The following TRIM67 variants were observed in gnomAD, a reference collection of about 807,000 sequenced individuals.
The protein encoded by TRIM67 is tripartite motif containing 67, also known as tripartite motif-containing protein 67.
A neutral mutation model predicts 71.0 loss-of-function variants in TRIM67; 39 were observed. The ratio of observed to expected loss-of-function variants is 0.55; its 90% CI spans 0.43 to 0.72. TRIM67 has a LOEUF of 0.72. Among genes scored for constraint, TRIM67 ranks in the 30% least tolerant of loss-of-function variants. The probability of loss-of-function intolerance (pLI) is 0.00; values close to 1 mark genes in which losing one functional copy is unlikely to be tolerated. For synonymous variants in TRIM67, 481 were observed against 473.9 expected (o/e 1.01, Z -0.19); for missense variants, 973 against 1,079.2 (o/e 0.90, Z 1.38).
chr1:231,208,770 G>A (rs1486697356), intron 7 of TRIM67, among the ~76,000 whole-genome samples, 177 bp from the exon 8 acceptor site: 1 of 152,180 alleles, frequency 6.6e-6, no homozygotes, highest in Admixed American at 6.5e-5. Flanking sequence ...GGGAGTGTGT[G>A]CATGTGTGTA....
Position 231,209,060 on chromosome 1 carries a change from G to A in TRIM67, c.1933G>A (p.Ala645Thr). ...CGACCGGGTGGTGCTGGGCACAGCTGCGTTCTCCAAGGGCGTGCACTACTG... is the reference window on the plus strand; with the variant it reads ...CGACCGGGTGGTGCTGGGCACAGCTACGTTCTCCAAGGGCGTGCACTACTG... The part of the protein sequence containing the change: ...YDDRVVLGTA[A>T]FSKGVHYWEL... Residue 645 changes from alanine to threonine, a missense_variant, in exon 8 of 10, where the codon GCG becomes ACG. Physicochemically the swap from Ala to Thr is moderately conservative, Grantham distance 58. Coordinates refer to ENST00000366653, the MANE Select transcript of TRIM67 (RefSeq NM_001004342.5). This position sits in a 1 kb window ranked among gnomAD's most constrained non-coding sequence, Gnocchi z 4.1. The A allele has an allele frequency of 6.2e-7, 1 of 1,613,936 alleles. No individual in the cohort carries two copies. Among genetic ancestry groups the A allele is most frequent in the Non-Finnish European group, 8.5e-7 (1 of 1,179,844 alleles).
At chr1:231,204,735 T>A (rs2102755685) in intron 6 of TRIM67, among the ~76,000 whole-genome samples, 1 of 152,218 alleles carries the variant, frequency 6.6e-6, no homozygotes, top group South Asian at 2.1e-4. Flanking sequence ...AAACACTCAT[T>A]CCAACAAACC....
In TRIM67 at chr1:231,213,830, G is replaced by C. The variant is rs1424586308; in HGVS notation, c.2139G>C (p.Val713=). The part of the protein sequence containing the change: ...NSHTNRTEGG[V]CKGATVGVLL... ...CTCTTCCCAGGACGGAAGGTGGCGT[G>C]TGCAAGGGGGCCACCGTGGGCGTGC... The change falls in exon 9 of 10, where the codon GTG becomes GTC. Residue 713 remains valine, a synonymous_variant. Transcript: ENST00000366653. 6.2e-7 allele frequency: 1 copy of C among 1,604,000 alleles called. No homozygotes were observed. Among genetic ancestry groups the C allele is most frequent in the Non-Finnish European group, 8.5e-7 (1 of 1,174,112 alleles).
rs190472002 is a variant in TRIM67 at position 231,188,845 on chromosome 1, T to A, written c.1045-8526T>A. On this transcript the variant is annotated intron_variant, in intron 1 of 9. Coordinates refer to ENST00000366653, the MANE Select transcript of TRIM67 (RefSeq NM_001004342.5). ...GGAAGTCACCAGTTGCTACTGATCC[T>A]GTCCCACCTCAGGAGAGGAGAGGCC... is the stretch of plus-strand genomic sequence containing the variant. Among the ~76,000 whole-genome samples the A allele has an allele frequency of 2.6e-5, 4 of 152,354 alleles. No homozygotes were observed. The South Asian group carries it at 8.3e-4, about 32-fold the overall frequency.
intron 1 of TRIM67, chr1:231,185,196 C>T (rs1180311808): frequency 4.6e-6 from 7 of 1,532,912 alleles, no homozygotes; most frequent in Non-Finnish European, 6.1e-6. Flanking sequence ...CTGCACCTTC[C>T]ACCCTTCTCA....
chr1:231,187,646 C>A, intron 1 of TRIM67: 1 of 1,298,922 alleles, frequency 7.7e-7, no homozygotes, highest in Non-Finnish European at 1.1e-6. Flanking sequence ...CACGCCCCAT[C>A]TCTACTGTCT....
rs1004450335 is a variant in TRIM67 at position 231,203,811 on chromosome 1, C to T, written c.1535-56C>T. On this transcript the variant is annotated intron_variant, in intron 5 of 9. Transcript: ENST00000366653. ...CCTGGGATGGGGTGGGGTGGGGGAC[C>T]GGGCTGGGGCCCTCGGAGGGCTTCC... 2.4e-5 allele frequency: 37 copies of T among 1,567,722 alleles called. No homozygotes were observed. In the South Asian group the frequency reaches 2.6e-4, roughly 11 times the overall value.
At chr1:231,207,211 C>T (rs1378863170) in intron 7 of TRIM67, among the ~76,000 whole-genome samples, 1 of 152,204 alleles carries the variant, frequency 6.6e-6, no homozygotes, top group African/African-American at 2.4e-5. Flanking sequence ...AAACTTCTCC[C>T]ACTTCTCAAG....
Position 231,218,918 on chromosome 1 carries a change from A to G in TRIM67, c.*3478A>G, listed in dbSNP as rs1684077759. ...CGCCCCACCACAGCACTCTCAGGAA[A>G]GGATCAGAATGCAGGATCTTTGTGT... On this transcript the variant is annotated 3_prime_UTR_variant, in exon 10 of 10. Coordinates refer to ENST00000366653, the MANE Select transcript of TRIM67 (RefSeq NM_001004342.5). The G allele has an allele frequency of 2.0e-6, 2 of 985,394 alleles. No homozygotes were observed. The highest frequency in any genetic ancestry group is 1.2e-4 in the Admixed American group (2 of 16,262). 61.0% of individuals were successfully genotyped at this position (985,394 alleles called of 1,614,324 possible).
Position 231,216,730 on chromosome 1 carries a change from G to C in TRIM67, c.*1290G>C. The C allele has an allele frequency of 1.0e-6, 1 of 985,508 alleles. No homozygotes were observed. Among genetic ancestry groups the C allele is most frequent in the Non-Finnish European group, 1.2e-6 (1 of 829,964 alleles). 61.0% of individuals were successfully genotyped at this position (985,508 alleles called of 1,614,324 possible). ...TGCCGAGTCTGACCTGCCAGGGCAGGACTCTGGAAACACCAGGCTTCTCCC... is the reference window on the plus strand; with the variant it reads ...TGCCGAGTCTGACCTGCCAGGGCAGCACTCTGGAAACACCAGGCTTCTCCC... On this transcript the variant is annotated 3_prime_UTR_variant, in exon 10 of 10. Coordinates refer to ENST00000366653, the MANE Select transcript of TRIM67 (RefSeq NM_001004342.5).
chr1:231,211,653 G>A (rs1683875205), intron 8 of TRIM67, among the ~76,000 whole-genome samples: 1 of 152,210 alleles, frequency 6.6e-6, no homozygotes. Flanking sequence ...GGGACTTCCT[G>A]TCGTGAATCC....
chr1:231,218,125 G>A lies in TRIM67; in HGVS notation c.*2685G>A, dbSNP rs1162270985. On this transcript the variant is annotated 3_prime_UTR_variant, in exon 10 of 10. Coordinates refer to ENST00000366653, the MANE Select transcript of TRIM67 (RefSeq NM_001004342.5). ...GTCCGTGCCACACACTTGTGTTTTT[G>A]AGGGATCAGAAAAGTGAAGAAGGAA... 9.5e-7 allele frequency: 1 copy of A among 1,048,040 alleles called. No homozygotes were observed. The highest frequency in any genetic ancestry group is 1.7e-5 in the African/African-American group (1 of 60,310). The allele number at this position is 1,048,040 out of a possible 1,614,324, so 64.9% of individuals were successfully genotyped here. A position where few individuals can be genotyped will look rare whatever the true frequency, so the allele number is the denominator to read the frequency against.
chr1:231,215,450 A>G lies in TRIM67; in HGVS notation c.*10A>G. On this transcript the variant is annotated 3_prime_UTR_variant, in exon 10 of 10. Coordinates refer to ENST00000366653, the MANE Select transcript of TRIM67 (RefSeq NM_001004342.5). ...GCTGTCAGGCAATTAGCCCCGCTCC[A>G]GCTCGGCACTGTGCCTGTGACAGTG... 1.9e-6 allele frequency: 3 copies of G among 1,600,276 alleles called. No homozygotes were observed. The highest frequency in any genetic ancestry group is 2.6e-6 in the Non-Finnish European group (3 of 1,172,054).
intron 1 of TRIM67, chr1:231,185,141 T>A (rs768129171): frequency 5.2e-6 from 8 of 1,532,850 alleles, no homozygotes; most frequent in Non-Finnish European, 7.0e-6. Flanking sequence ...CAATGGGAAG[T>A]GTGTGTTGTC....
At position 231,215,907 on chromosome 1, in the gene TRIM67, G is replaced by A; in HGVS notation, c.*467G>A. 5 of 991,586 alleles carry A rather than the reference G, an allele frequency of 5.0e-6. No homozygotes were observed. Among genetic ancestry groups the A allele is most frequent in the Non-Finnish European group, 6.0e-6 (5 of 834,342 alleles). The allele number at this position is 991,586 out of a possible 1,614,324, so 61.4% of individuals were successfully genotyped here. On this transcript the variant is annotated 3_prime_UTR_variant, in exon 10 of 10. Transcript: ENST00000366653. ...GGACCTTGCCTCCTCAGAGTCCCGA[G>A]ATTGCAGATTCTCATCATGCTGAGA...
intron 3 of TRIM67, among the ~76,000 whole-genome samples, chr1:231,199,605 C>T (rs1388346662): frequency 6.6e-6 from 1 of 152,192 alleles, no homozygotes; most frequent in Non-Finnish European, 1.5e-5. Context: ...GAGACTCTCC[C>T]CTCACGTCAC....
At chr1:231,199,292 A>C in intron 3 of TRIM67, 123 bp downstream of exon 3, 1 of 972,968 alleles carries the variant, frequency 1.0e-6, no homozygotes, top group Non-Finnish European at 1.6e-6. Flanking sequence ...GAGCTAATGA[A>C]TGAATGAGGC....
chr1:231,206,798 T>G lies in TRIM67; in HGVS notation c.1819+8T>G. ...TCCTGCAGACATCCGATGGTGAGCA[T>G]CGGGATCTCTTAGTGGGAAGAACAG... On this transcript the variant is annotated splice_region_variant and intron_variant, in intron 7 of 9. Transcript: ENST00000366653. 1 of 1,584,114 alleles carries G rather than the reference T, an allele frequency of 6.3e-7. No individual in the cohort carries two copies.
intron 1 of TRIM67, among the ~76,000 whole-genome samples, chr1:231,170,172 G>T (rs1305857147): frequency 1.3e-5 from 2 of 151,914 alleles, no homozygotes; most frequent in African/African-American, 4.8e-5. Context: ...TTTTAGTAGA[G>T]ATGGGGTTTC....
Sources: allele counts gnomAD v4.1 joint callset (sites outside exome capture counted in the v4.1 genomes callset), GRCh38; gene constraint gnomAD v4.1.1; non-coding constraint Gnocchi (gnomAD v3.1); transcripts MANE v1.5; gene names NCBI Gene and HGNC (gene_info 2026-07-23, HGNC 2026-07-21).